RIC1: variants seen among roughly 807,000 people sequenced by gnomAD.
RIC1 encodes guanine nucleotide exchange factor subunit RIC1.
RIC1 carries 88 observed loss-of-function variants against 169.0 expected under a neutral mutation model. That is an observed-to-expected ratio of 0.52 (90% CI 0.44 to 0.62). The LOEUF is 0.62. Ranked by LOEUF, RIC1 falls within the 20% of genes least tolerant of loss-of-function variation. The pLI, the probability that RIC1 is intolerant of heterozygous loss-of-function variation, is 0.00. For missense variants in RIC1, 1,877 were observed against 1,725.5 expected, an observed-to-expected ratio of 1.09 and a Z score of -1.56; for synonymous variants, 790 against 601.5, an observed-to-expected ratio of 1.31 and a Z score of -4.59.
At position 5,774,347 on chromosome 9, in the gene RIC1, G is replaced by GA. The variant is rs1316988289; in HGVS notation, c.*102dup. On this transcript the variant is annotated 3_prime_UTR_variant, in exon 26 of 26. Coordinates refer to ENST00000414202, the MANE Select transcript of RIC1 (RefSeq NM_020829.4). ...TGATTTAACAGGAGAACTCAGTTCA[G>GA]AGACTCTTCGGTAAGTATTAGTAGA... The GA allele has an allele frequency of 1.0e-6, 1 of 992,356 alleles. No individual in the cohort carries two copies. The highest frequency in any genetic ancestry group is 1.5e-6 in the Non-Finnish European group (1 of 683,134). 61.5% of individuals were successfully genotyped at this position (992,356 alleles called of 1,614,324 possible). A position where few individuals can be genotyped will look rare whatever the true frequency, so the allele number is the denominator to read the frequency against.
At chr9:5,716,963 G>A (rs1031764867) in intron 4 of RIC1, among the ~76,000 whole-genome samples, 9 of 152,160 alleles carry the variant, frequency 5.9e-5, no homozygotes, top group African/African-American at 1.9e-4. Flanking sequence ...AAGCCACCAC[G>A]CCTGGCTCAG....
intron 3 of RIC1, among the ~76,000 whole-genome samples, chr9:5,710,079 A>C (rs184441845): frequency 6.7e-4 from 102 of 152,310 alleles, no homozygotes; most frequent in African/African-American, 2.3e-3. Flanking sequence ...AAATCCAAAG[A>C]GAAAGATAAA....
rs1378614453 is a variant in RIC1 at position 5,761,547 on chromosome 9, G to A, written c.1993-994G>A. On this transcript the variant is annotated intron_variant, in intron 17 of 25. Coordinates refer to ENST00000414202, the MANE Select transcript of RIC1 (RefSeq NM_020829.4). ...ATTAAATGAGCCAAAAAGAAAAAGG[G>A]AAACTCTTTGGTTTTCCCTTCCCTA... Among the ~76,000 whole-genome samples the A allele has an allele frequency of 3.9e-5, 6 of 152,194 alleles. No individual in the cohort carries two copies. The East Asian group carries it at 1.2e-3, about 29-fold the overall frequency.
rs749248849 is a variant in RIC1 at position 5,642,531 on chromosome 9, A to T, written c.144+13078A>T. Among the ~76,000 whole-genome samples the T allele has an allele frequency of 6.9e-5, 10 of 145,004 alleles. 2 individuals are homozygous for T. Among genetic ancestry groups the T allele is most frequent in the Non-Finnish European group, 1.3e-4 (9 of 67,324 alleles). Reference sequence around the variant, plus strand: ...AGTCCAGAAATGCTGTCTGGAAGCCAGGGATTAGAGTCAAAATTCTTAGCA... The same window carrying T: ...AGTCCAGAAATGCTGTCTGGAAGCCTGGGATTAGAGTCAAAATTCTTAGCA... On this transcript the variant is annotated intron_variant, in intron 1 of 25. Transcript: ENST00000414202.
chr9:5,701,807 T>G (rs941292941), intron 3 of RIC1, among the ~76,000 whole-genome samples: 2 of 152,140 alleles, frequency 1.3e-5, no homozygotes, highest in African/African-American at 4.8e-5. Flanking sequence ...CCATCATAAT[T>G]AAAATATTGA....
intron 7 of RIC1, among the ~76,000 whole-genome samples, chr9:5,735,965 C>G (rs1824679407): frequency 6.6e-6 from 1 of 152,102 alleles, no homozygotes; most frequent in African/African-American, 2.4e-5. Flanking sequence ...TAAGTCCTGT[C>G]TTTTTAATGA....
intron 2 of RIC1, among the ~76,000 whole-genome samples, chr9:5,662,161 T>G (rs1819491184): frequency 6.6e-6 from 1 of 152,242 alleles, no homozygotes; most frequent in African/African-American, 2.4e-5. Context: ...TGAACCAGTC[T>G]TGCATTCCGG....
chr9:5,639,903 G>T (rs539279711), intron 1 of RIC1, among the ~76,000 whole-genome samples: 1 of 152,112 alleles, frequency 6.6e-6, no homozygotes, highest in South Asian at 2.1e-4. Flanking sequence ...CTGCTCTTTT[G>T]GTTTCCATTG....
At chr9:5,755,305 A>G (rs936663536) in intron 15 of RIC1, among the ~76,000 whole-genome samples, 4 of 152,208 alleles carry the variant, frequency 2.6e-5, no homozygotes, top group Admixed American at 2.0e-4. Context: ...TTCCAAGACC[A>G]TCAGTGGATG....
At chr9:5,670,540 A>G (rs574313991) in intron 2 of RIC1, among the ~76,000 whole-genome samples, 21 of 152,300 alleles carry the variant, frequency 1.4e-4, no homozygotes, top group Admixed American at 7.8e-4. Context: ...TGTGCAGTAG[A>G]ATTCTTAACC....
intron 21 of RIC1, 152 bp from the exon 22 acceptor site, chr9:5,768,818 G>A (rs771243185): frequency 6.4e-6 from 5 of 783,196 alleles, no homozygotes; most frequent in Non-Finnish European, 7.9e-6. Flanking sequence ...TAACACGGAG[G>A]AGAAGCGTTG....
At position 5,757,365 on chromosome 9, in the gene RIC1, T is replaced by C. The variant is rs758964408; in HGVS notation, c.1906T>C (p.Tyr636His). The C allele has an allele frequency of 6.2e-7, 1 of 1,614,112 alleles. No homozygotes were observed. The highest frequency in any genetic ancestry group is 1.1e-5 in the South Asian group (1 of 91,082). The change falls in exon 17 of 26, where the codon TAC (tyrosine) becomes CAC (histidine). Residue 636 changes from tyrosine to histidine, a missense_variant. Transcript: ENST00000414202. ...QVLQEVSMSR[Y>H]IPHPFLVVSV... is the part of the protein sequence containing the mutation. ...TCTTCAGGAGGTTTCCATGTCACGC[T>C]ACATTCCTCACCCTTTCCTGGTGGT...
chr9:5,679,801 C>T (rs1165653558), intron 2 of RIC1, among the ~76,000 whole-genome samples: 2 of 152,204 alleles, frequency 1.3e-5, no homozygotes, highest in Admixed American at 6.5e-5. Flanking sequence ...GACAATTTGA[C>T]TTCCTCTTTT....
rs200988647 is a variant in RIC1, at chr9:5,762,612, C to T, written c.2064C>T (p.Gly688=). Residue 688 remains glycine, a synonymous_variant, in exon 18 of 26, where the codon GGC becomes GGT. Transcript: ENST00000414202. Reference sequence around the variant, plus strand: ...TCATGATGCAGAGGGACAGGTCAGGCCCACAGATCCGGGAGAAGGACAGTA... The same window carrying T: ...TCATGATGCAGAGGGACAGGTCAGGTCCACAGATCCGGGAGAAGGACAGTA... ...QLIMMQRDRS[G]PQIREKDSNP... The T allele has an allele frequency of 2.5e-6, 4 of 1,613,856 alleles. No homozygotes were observed. The highest frequency in any genetic ancestry group is 3.4e-6 in the Non-Finnish European group (4 of 1,179,926).
At chr9:5,755,701 T>C (rs1323069646) in intron 15 of RIC1, among the ~76,000 whole-genome samples, 5 of 152,140 alleles carry the variant, frequency 3.3e-5, no homozygotes, top group African/African-American at 1.2e-4. Flanking sequence ...GGCGGGTGGA[T>C]CACCTGAGGT....
chr9:5,674,299 A>G (rs540099644), intron 2 of RIC1, among the ~76,000 whole-genome samples: 2 of 152,274 alleles, frequency 1.3e-5, no homozygotes, highest in South Asian at 4.1e-4. Flanking sequence ...ATGATCCTGT[A>G]TGAATTTTAA....
rs746388700 is a variant in RIC1 at position 5,652,162 on chromosome 9, A to G, written c.145-4421A>G. ...GTAGTGTAATTCCACTAACTTTGTTATTTTTGTTCAAGATTGCTTTGGCTA... is the reference window on the plus strand; with the variant it reads ...GTAGTGTAATTCCACTAACTTTGTTGTTTTTGTTCAAGATTGCTTTGGCTA... On this transcript the variant is annotated intron_variant, in intron 1 of 25. Transcript: ENST00000414202. Among the ~76,000 whole-genome samples, 44 of 152,128 alleles carry G rather than the reference A, an allele frequency of 2.9e-4. No homozygotes were observed. The South Asian group carries it at 2.9e-3, about 10-fold the overall frequency.
Position 5,643,736 on chromosome 9 carries a change from A to T in RIC1, c.145-12847A>T, listed in dbSNP as rs1404241516. ...ATGTCATCTAAAATGGTGATATAGG[A>T]CCTGCATTAAAGTGTTCCACCTGTA... is the stretch of plus-strand genomic sequence containing the variant. On this transcript the variant is annotated intron_variant, in intron 1 of 25. Transcript: ENST00000414202. 2.6e-5 allele frequency among the ~76,000 whole-genome samples: 4 copies of T among 152,338 alleles called. No individual in the cohort carries two copies. In the East Asian group the frequency reaches 7.7e-4, roughly 29 times the overall value.
chr9:5,663,107 G>C (rs1353579549), intron 2 of RIC1, among the ~76,000 whole-genome samples: 2 of 152,160 alleles, frequency 1.3e-5, no homozygotes, highest in African/African-American at 4.8e-5. Flanking sequence ...CTCAGGAGCA[G>C]GCTGTTCAAT....
Sources: allele counts gnomAD v4.1 joint callset (sites outside exome capture counted in the v4.1 genomes callset), GRCh38; gene constraint gnomAD v4.1.1; transcripts MANE v1.5; gene names NCBI Gene and HGNC (gene_info 2026-07-23, HGNC 2026-07-21).